NRXN1: variants seen among roughly 807,000 people sequenced by gnomAD.
NRXN1 encodes the protein neurexin 1, also known as neurexin-1.
A neutral mutation model predicts 150.9 loss-of-function variants in NRXN1; 39 were observed. That is an observed-to-expected ratio of 0.26 (90% CI 0.20 to 0.34). NRXN1 has a LOEUF of 0.34. NRXN1 is among the 10% of genes least tolerant of loss of function. The pLI, the probability that NRXN1 is intolerant of heterozygous loss-of-function variation, is 1.00. For synonymous variants in NRXN1, 924 were observed against 757.0 expected (o/e 1.22, Z -3.62); for missense variants, 1,815 against 1,949.9 (o/e 0.93, Z 1.30).
intron 5 of NRXN1, among the ~76,000 whole-genome samples, chr2:50,751,647 A>C (rs1003047446): frequency 4.6e-5 from 7 of 151,994 alleles, no homozygotes; most frequent in African/African-American, 2.4e-5. Context: ...GACTGTGAAA[A>C]GGCCTGCATA....
At chr2:50,629,212 C>T (rs1681780642) in intron 5 of NRXN1, among the ~76,000 whole-genome samples, 3 of 151,816 alleles carry the variant, frequency 2.0e-5, no homozygotes, top group South Asian at 4.1e-4. Context: ...AAACTTAACA[C>T]TACTGAAATA....
chr2:50,587,661 A>G (rs1427369078), intron 8 of NRXN1, among the ~76,000 whole-genome samples: 2 of 152,198 alleles, frequency 1.3e-5, no homozygotes, highest in Non-Finnish European at 2.9e-5. Flanking sequence ...TAGCATATTA[A>G]AATTGTAAAT....
At chr2:50,342,041 T>C (rs1326723256) in intron 17 of NRXN1, among the ~76,000 whole-genome samples, 1 of 152,228 alleles carries the variant, frequency 6.6e-6, no homozygotes, top group Non-Finnish European at 1.5e-5. Flanking sequence ...GCCTCCGATA[T>C]CTTGCCTCCT....
chr2:49,969,117 G>A (rs548110710), intron 21 of NRXN1, among the ~76,000 whole-genome samples: 5 of 152,120 alleles, frequency 3.3e-5, no homozygotes, highest in East Asian at 1.9e-4. Flanking sequence ...GCTTATCCCC[G>A]GCCAAATTTT....
rs577698035 is a variant in NRXN1 at position 50,244,328 on chromosome 2, G to T, written c.3365-7358C>A. Among the ~76,000 whole-genome samples the T allele has an allele frequency of 3.3e-5, 5 of 151,878 alleles. No individual in the cohort carries two copies. In the South Asian group the frequency reaches 6.2e-4, roughly 19 times the overall value. ...CAGAAACACCACCAATAGCAGCAAA[G>T]ACTGCACACTGGACAATCAAATATG... On this transcript the variant is annotated intron_variant, in intron 17 of 22. Coordinates refer to ENST00000401669, the MANE Select transcript of NRXN1 (RefSeq NM_001330078.2).
chr2:50,404,793 TAA>T (rs1347707102), intron 17 of NRXN1, among the ~76,000 whole-genome samples: 2 of 152,096 alleles, frequency 1.3e-5, no homozygotes, highest in East Asian at 3.9e-4. Flanking sequence ...CTTTGCAGTA[TAA>T]GAGTTTTGAC....
chr2:50,167,842 C>G (rs534309267), intron 18 of NRXN1, among the ~76,000 whole-genome samples: 2 of 152,070 alleles, frequency 1.3e-5, no homozygotes, highest in Non-Finnish European at 2.9e-5. Flanking sequence ...AATTTATGGC[C>G]TCTGAGCTAT....
chr2:50,387,016 T>C (rs1339879517), intron 17 of NRXN1, among the ~76,000 whole-genome samples: 1 of 152,180 alleles, frequency 6.6e-6, no homozygotes, highest in African/African-American at 2.4e-5. Flanking sequence ...TTTCTAAAGT[T>C]AGCATTCCTT....
chr2:50,972,178 T>C (rs1416443929), intron 2 of NRXN1, among the ~76,000 whole-genome samples: 2 of 152,284 alleles, frequency 1.3e-5, no homozygotes, highest in Admixed American at 1.3e-4. Flanking sequence ...GAAGGTTAAA[T>C]GTGTGTATAT....
intron 15 of NRXN1, among the ~76,000 whole-genome samples, chr2:50,487,293 A>G (rs1364217568): frequency 3.3e-5 from 5 of 152,210 alleles, no homozygotes; most frequent in African/African-American, 1.2e-4. Flanking sequence ...CAAAGACTGT[A>G]TTATTAATTA....
intron 2 of NRXN1, among the ~76,000 whole-genome samples, chr2:50,963,426 C>T (rs145358936): frequency 6.6e-6 from 1 of 151,748 alleles, no homozygotes; most frequent in Non-Finnish European, 1.5e-5. Flanking sequence ...ACGAGGAAAA[C>T]TATATGTAGC....
At chr2:50,644,455 GAAAT>G (rs1684508962) in intron 5 of NRXN1, among the ~76,000 whole-genome samples, 1 of 151,560 alleles carries the variant, frequency 6.6e-6, no homozygotes, top group South Asian at 2.1e-4. Context: ...AAAAGCAAAA[GAAAT>G]AAATACAAAA....
chr2:49,923,505 TATGA>T (rs1313985124), intron 22 of NRXN1, among the ~76,000 whole-genome samples: 5 of 152,290 alleles, frequency 3.3e-5, no homozygotes, highest in East Asian at 1.9e-4. Flanking sequence ...AATGTGTGTG[TATGA>T]GTGTGTGTTC....
intron 8 of NRXN1, among the ~76,000 whole-genome samples, chr2:50,599,303 T>C (rs1330640977): frequency 6.6e-6 from 1 of 152,140 alleles, no homozygotes; most frequent in Non-Finnish European, 1.5e-5. Context: ...TTATAAAAAT[T>C]CAGCCCTTAC....
intron 5 of NRXN1, among the ~76,000 whole-genome samples, chr2:50,796,951 G>T (rs530862919): frequency 7.2e-5 from 11 of 152,258 alleles, no homozygotes; most frequent in African/African-American, 2.4e-4. Context: ...TTCAAAGATG[G>T]TGCCTTGTTG....
At chr2:50,715,076 T>C (rs747478065) in intron 5 of NRXN1, among the ~76,000 whole-genome samples, 13 of 152,176 alleles carry the variant, frequency 8.5e-5, no homozygotes, top group Non-Finnish European at 1.0e-4. Context: ...TAAGCCATTA[T>C]TCTATGGAAA....
chr2:51,021,774 T>C (rs543399722), intron 2 of NRXN1, among the ~76,000 whole-genome samples: 5 of 152,046 alleles, frequency 3.3e-5, no homozygotes, highest in African/African-American at 9.7e-5. Context: ...TGATAGACAA[T>C]GTACTATAAA....
intron 21 of NRXN1, among the ~76,000 whole-genome samples, chr2:49,990,966 T>C (rs778995027): frequency 6.6e-6 from 1 of 152,084 alleles, no homozygotes; most frequent in Admixed American, 6.6e-5. Context: ...ACAATCAAGG[T>C]AGAATTGACA....
intron 17 of NRXN1, among the ~76,000 whole-genome samples, chr2:50,380,384 C>A (rs1245053144): frequency 6.6e-6 from 1 of 151,946 alleles, no homozygotes; most frequent in Non-Finnish European, 1.5e-5. Context: ...TCTTAACTGT[C>A]AAAATGGTCC....
Sources: gnomAD v4.1 joint callset for allele counts (sites outside exome capture counted in the v4.1 genomes callset) on GRCh38, gnomAD v4.1.1 for gene constraint, MANE v1.5 for transcripts, NCBI Gene and HGNC (gene_info 2026-07-23, HGNC 2026-07-21) for gene names.